Variants in IQSEC1 observed in about 807,000 individuals in gnomAD.
IQSEC1 encodes IQ motif and Sec7 domain ArfGEF 1.
A neutral mutation model predicts 91.0 loss-of-function variants in IQSEC1; 31 were observed. That is an observed-to-expected ratio of 0.34 (90% CI 0.26 to 0.46). The LOEUF is 0.46. IQSEC1 is among the 20% of genes least tolerant of loss of function. The pLI is 1.00. For synonymous variants in IQSEC1, 699 were observed against 662.6 expected (o/e 1.05, Z -0.84); for missense variants, 1,388 against 1,575.6 (o/e 0.88, Z 2.02).
intron 1 of IQSEC1, among the ~76,000 whole-genome samples, chr3:13,052,432 T>C (rs1316271783): frequency 2.0e-5 from 3 of 152,206 alleles, no homozygotes; most frequent in Non-Finnish European, 4.4e-5. Context: ...ACAGTGTATT[T>C]AACCATTCAT....
intron 1 of IQSEC1, among the ~76,000 whole-genome samples, chr3:12,943,213 G>C (rs756539048): frequency 3.9e-5 from 6 of 152,146 alleles, no homozygotes; most frequent in Non-Finnish European, 7.4e-5. Flanking sequence ...AGACCCAGTG[G>C]TCCCCTCCGC....
chr3:13,011,211 C>T (rs547585368), intron 1 of IQSEC1, among the ~76,000 whole-genome samples: 10 of 152,306 alleles, frequency 6.6e-5, no homozygotes, highest in Non-Finnish European at 1.5e-4. Flanking sequence ...CCAGGCGTAC[C>T]AGCAGACACA....
chr3:13,111,201 C>T (rs1484004688), intron 2 of IQSEC1, among the ~76,000 whole-genome samples: 4 of 152,186 alleles, frequency 2.6e-5, no homozygotes, highest in African/African-American at 4.8e-5. Flanking sequence ...TTTTCTGATC[C>T]TCAGCCCACC....
intron 1 of IQSEC1, among the ~76,000 whole-genome samples, chr3:13,179,345 G>C (rs1448982601): frequency 6.6e-6 from 1 of 152,190 alleles, no homozygotes; most frequent in African/African-American, 2.4e-5. Context: ...AGAATAAAAA[G>C]AGACATTAAC....
chr3:12,900,813 C>A lies in IQSEC1; in HGVS notation c.*170G>T, dbSNP rs1380015053. ...AGAAATGAAATCTGGGCCTTTGTTC[C>A]ACACAACACCAGCCCTGTGGGCTCC... is the stretch of plus-strand genomic sequence containing the variant. On this transcript the variant is annotated 3_prime_UTR_variant, in exon 14 of 14. Transcript: ENST00000613206. 6.8e-7 allele frequency: 1 copy of A among 1,471,654 alleles called. No homozygotes were observed. The highest frequency in any genetic ancestry group is 8.9e-7 in the Non-Finnish European group (1 of 1,117,374). The allele number at this position is 1,471,654 out of a possible 1,614,324, so 91.2% of individuals were successfully genotyped here.
chr3:13,043,377 T>C (rs1304688295), intron 1 of IQSEC1, among the ~76,000 whole-genome samples: 1 of 152,080 alleles, frequency 6.6e-6, no homozygotes, highest in African/African-American at 2.4e-5. Context: ...TCCCACACAC[T>C]AGCCACCTGA....
chr3:13,072,006 G>C (rs545813255), intron 1 of IQSEC1, among the ~76,000 whole-genome samples: 1 of 152,268 alleles, frequency 6.6e-6, no homozygotes, highest in African/African-American at 2.4e-5. Flanking sequence ...CCCCTGCCAT[G>C]GTAAGGGGCC....
In IQSEC1 at chr3:13,259,817, A is replaced by G. The variant is rs1695351282; in HGVS notation, c.272+22894T>C. Among the ~76,000 whole-genome samples the G allele has an allele frequency of 6.6e-6, 1 of 152,256 alleles. No individual in the cohort carries two copies. Among genetic ancestry groups the G allele is most frequent in the African/African-American group, 2.4e-5 (1 of 41,470 alleles). Reference sequence around the variant, plus strand: ...AGCCATGCAGCCAATGCCACCCAAGAAAAGGTCAACGGGGCTTGCTTGTTG... The same window carrying G: ...AGCCATGCAGCCAATGCCACCCAAGGAAAGGTCAACGGGGCTTGCTTGTTG... On this transcript the variant is annotated intron_variant, in intron 1 of 15. Transcript: ENST00000648114. The surrounding 1 kb of genome is among the most constrained non-coding windows in gnomAD (Gnocchi z 4.6).
rs1303333466 is a variant in IQSEC1 at position 12,940,511 on chromosome 3, C to A, written c.318+1060G>T. ...GGATGGGTGTGGGTGGGAGTGAAGG[C>A]CAGGGGCTTCTGCAGCATGGAGTCT... On this transcript the variant is annotated intron_variant, in intron 2 of 13. Transcript: ENST00000613206. This position sits in a 1 kb window ranked among gnomAD's most constrained non-coding sequence, Gnocchi z 4.4. Among the ~76,000 whole-genome samples the A allele has an allele frequency of 6.6e-6, 1 of 151,800 alleles. No individual in the cohort carries two copies. Among genetic ancestry groups the A allele is most frequent in the Non-Finnish European group, 1.5e-5 (1 of 67,930 alleles).
intron 1 of IQSEC1, among the ~76,000 whole-genome samples, chr3:13,233,298 A>T (rs1170382913): frequency 6.6e-6 from 1 of 151,918 alleles, no homozygotes; most frequent in Non-Finnish European, 1.5e-5. Flanking sequence ...TGTTCTGGGA[A>T]CACACTTTGA....
At chr3:12,965,820 G>A (rs531056299) in intron 1 of IQSEC1, among the ~76,000 whole-genome samples, 5 of 152,294 alleles carry the variant, frequency 3.3e-5, no homozygotes, top group African/African-American at 9.6e-5. Context: ...AGAGGGAGGC[G>A]GGAGGTGCAG....
intron 2 of IQSEC1, among the ~76,000 whole-genome samples, chr3:13,136,003 C>G (rs1189747677): frequency 1.3e-5 from 2 of 152,204 alleles, no homozygotes; most frequent in African/African-American, 4.8e-5. Context: ...TGAGGACTAC[C>G]CTGCTGGGCG....
In IQSEC1 at chr3:12,940,816, C is replaced by G. The variant is rs1698678271; in HGVS notation, c.318+755G>C. 6.6e-6 allele frequency among the ~76,000 whole-genome samples: 1 copy of G among 152,234 alleles called. No homozygotes were observed. The highest frequency in any genetic ancestry group is 2.1e-4 in the South Asian group (1 of 4,836). ...TTCAAACACCTACTGTGCACCTGCA[C>G]TTGGAGGGACTTGGAAGCGAGAGCT... On this transcript the variant is annotated intron_variant, in intron 2 of 13. Coordinates refer to ENST00000613206, the MANE Select transcript of IQSEC1 (RefSeq NM_001134382.3). This position sits in a 1 kb window ranked among gnomAD's most constrained non-coding sequence, Gnocchi z 4.4.
intron 1 of IQSEC1, among the ~76,000 whole-genome samples, chr3:13,064,666 G>C (rs1190923647): frequency 3.9e-5 from 6 of 152,234 alleles, no homozygotes; most frequent in African/African-American, 1.2e-4. Context: ...CCTCGACTGC[G>C]AGAGCAGTTG....
At chr3:13,121,230 G>T (rs1706418067) in intron 2 of IQSEC1, among the ~76,000 whole-genome samples, 1 of 152,232 alleles carries the variant, frequency 6.6e-6, no homozygotes, top group African/African-American at 2.4e-5. Context: ...AGTTACGACA[G>T]GACCCCATGG....
chr3:12,922,030 G>A lies in IQSEC1; in HGVS notation c.1853+90C>T, dbSNP rs999163613. On this transcript the variant is annotated intron_variant, in intron 5 of 13. Coordinates refer to ENST00000613206, the MANE Select transcript of IQSEC1 (RefSeq NM_001134382.3). This position sits in a 1 kb window ranked among gnomAD's most constrained non-coding sequence, Gnocchi z 5.1. Reference sequence around the variant, plus strand: ...CACCTGGCCCTGTCTAGGGATGGTGGGGATGCAGTCTTTGGTCCATCCTCG... The same window carrying A: ...CACCTGGCCCTGTCTAGGGATGGTGAGGATGCAGTCTTTGGTCCATCCTCG... 5 of 1,427,724 alleles carry A rather than the reference G, an allele frequency of 3.5e-6. No individual in the cohort carries two copies. Among genetic ancestry groups the A allele is most frequent in the Non-Finnish European group, 2.8e-6 (3 of 1,069,754 alleles). 88.4% of individuals were successfully genotyped at this position (1,427,724 alleles called of 1,614,324 possible).
intron 1 of IQSEC1, among the ~76,000 whole-genome samples, chr3:13,176,665 T>G (rs1025353805): frequency 6.6e-6 from 1 of 152,126 alleles, no homozygotes; most frequent in African/African-American, 2.4e-5. Flanking sequence ...AGCACCCAGA[T>G]GCATGTGGAC....
intron 1 of IQSEC1, chr3:13,022,003 G>A: frequency 8.2e-7 from 1 of 1,219,858 alleles, no homozygotes; most frequent in Non-Finnish European, 1.0e-6. Flanking sequence ...TCGACAGCCA[G>A]GCAGAGCAGC....
chr3:13,083,816 T>C (rs186029721), intron 2 of IQSEC1, among the ~76,000 whole-genome samples: 7 of 152,356 alleles, frequency 4.6e-5, no homozygotes, highest in Admixed American at 4.6e-4. Context: ...CACTTTCTCC[T>C]TGTCTCCCCA....
Sources: gnomAD v4.1 joint callset for allele counts (sites outside exome capture counted in the v4.1 genomes callset) on GRCh38, gnomAD v4.1.1 for gene constraint, Gnocchi (gnomAD v3.1) non-coding constraint, MANE v1.5 for transcripts, NCBI Gene and HGNC (gene_info 2026-07-23, HGNC 2026-07-21) for gene names.